Variants in PPFIA2 observed in about 807,000 individuals in gnomAD.
PPFIA2 encodes PPFI scaffold protein A2.
In PPFIA2, 46 loss-of-function variants were observed where a neutral mutation model predicts 175.5. The ratio of observed to expected loss-of-function variants is 0.26; its 90% CI spans 0.21 to 0.34. PPFIA2 has a LOEUF of 0.34. Ranked by LOEUF, PPFIA2 falls within the 10% of genes least tolerant of loss-of-function variation. PPFIA2 has a pLI of 1.00. For synonymous variants in PPFIA2, 568 were observed against 511.4 expected, an observed-to-expected ratio of 1.11 and a Z score of -1.49; for missense variants, 1,179 against 1,506.1, an observed-to-expected ratio of 0.78 and a Z score of 3.60.
intron 3 of PPFIA2, among the ~76,000 whole-genome samples, chr12:81,743,440 A>AAAAG (rs2082602335): frequency 7.1e-6 from 1 of 141,100 alleles, no homozygotes; most frequent in Non-Finnish European, 1.6e-5. Flanking sequence ...AAAAAAAAAA[A>AAAAG]AAAAACTTTT....
chr12:81,309,246 T>C (rs902307531), intron 22 of PPFIA2, among the ~76,000 whole-genome samples: 2 of 152,156 alleles, frequency 1.3e-5, no homozygotes, highest in Non-Finnish European at 2.9e-5. Flanking sequence ...TGATTAAGTC[T>C]GTAAAAACTA....
intron 22 of PPFIA2, among the ~76,000 whole-genome samples, chr12:81,305,433 A>G (rs1178458735): frequency 2.0e-5 from 3 of 152,070 alleles, no homozygotes. Flanking sequence ...AATGGCTTTT[A>G]ATTTACTATT....
At chr12:81,546,512 C>T (rs2067020820) in intron 4 of PPFIA2, 1 of 152,126 alleles carries the variant, frequency 6.6e-6, no homozygotes, top group South Asian at 2.1e-4. Flanking sequence ...CGTAGAATTA[C>T]CATGTACATC....
intron 4 of PPFIA2, among the ~76,000 whole-genome samples, chr12:81,674,991 C>G (rs1027260725): frequency 6.6e-6 from 1 of 151,904 alleles, no homozygotes; most frequent in Non-Finnish European, 1.5e-5. Context: ...CTTATGCACT[C>G]TGAAATGTTC....
At chr12:81,728,842 CAAAATTCAGCAATGTGATAGA>C (rs1234786019) in intron 3 of PPFIA2, among the ~76,000 whole-genome samples, 2 of 151,308 alleles carry the variant, frequency 1.3e-5, no homozygotes, top group Non-Finnish European at 3.0e-5. Flanking sequence ...ACCTATTTAA[CAAAATTCAGCAATGTGATAGA>C]TGGTATTGAG....
intron 4 of PPFIA2, among the ~76,000 whole-genome samples, chr12:81,510,033 G>A (rs1301707591): frequency 6.6e-6 from 1 of 152,042 alleles, no homozygotes; most frequent in Non-Finnish European, 1.5e-5. Context: ...TCACGTTTTG[G>A]TTTCTTCAGT....
At chr12:81,559,303 C>T (rs910679470) in intron 4 of PPFIA2, among the ~76,000 whole-genome samples, 1 of 152,144 alleles carries the variant, frequency 6.6e-6, no homozygotes, top group Non-Finnish European at 1.5e-5. Flanking sequence ...CGTGTGGATG[C>T]ATGTGCATGC....
chr12:81,745,745 T>C (rs1037947461), intron 3 of PPFIA2, among the ~76,000 whole-genome samples: 1 of 152,194 alleles, frequency 6.6e-6, no homozygotes, highest in Non-Finnish European at 1.5e-5. Context: ...TTGCCTGCCT[T>C]GAAACTCCTT....
chr12:81,340,677 A>G (rs1267782119), intron 20 of PPFIA2, among the ~76,000 whole-genome samples: 1 of 152,100 alleles, frequency 6.6e-6, no homozygotes, highest in Non-Finnish European at 1.5e-5. Context: ...GTCTGCTAAA[A>G]GGCACAATCA....
At chr12:81,597,854 C>T (rs2153452308) in intron 4 of PPFIA2, 1 of 1,251,226 alleles carries the variant, frequency 8.0e-7, no homozygotes, top group Non-Finnish European at 1.1e-6. Flanking sequence ...TCAATACTTC[C>T]AACCTTTTTA....
intron 22 of PPFIA2, among the ~76,000 whole-genome samples, chr12:81,299,678 C>T (rs995968126): frequency 5.3e-5 from 8 of 152,128 alleles, no homozygotes; most frequent in Non-Finnish European, 1.0e-4. Context: ...AATATCTTAT[C>T]CCTTTAATGA....
intron 3 of PPFIA2, among the ~76,000 whole-genome samples, chr12:81,705,011 G>T (rs1159469430): frequency 1.4e-5 from 2 of 145,282 alleles, no homozygotes; most frequent in African/African-American, 5.1e-5. Context: ...TTGAACCTGG[G>T]AGGCAGAGGT....
At chr12:81,641,874 T>C (rs933115725) in intron 4 of PPFIA2, among the ~76,000 whole-genome samples, 61 of 152,300 alleles carry the variant, frequency 4.0e-4, no homozygotes, top group African/African-American at 1.4e-3. Context: ...GTGTAGCTTA[T>C]CCATTCAGGA....
At chr12:81,285,256 A>G (rs1380492581) in intron 24 of PPFIA2, among the ~76,000 whole-genome samples, 1 of 152,094 alleles carries the variant, frequency 6.6e-6, no homozygotes, top group Non-Finnish European at 1.5e-5. Context: ...TGAACATTGC[A>G]AGGTTTTCCA....
intron 25 of PPFIA2, among the ~76,000 whole-genome samples, chr12:81,283,290 T>C (rs1054803243): frequency 2.0e-5 from 3 of 152,076 alleles, no homozygotes; most frequent in African/African-American, 7.2e-5. Flanking sequence ...AACATTTGAT[T>C]TGGTCATTAC....
intron 24 of PPFIA2, 69 bp from the exon 25 acceptor site, chr12:81,284,372 G>T: frequency 8.7e-7 from 1 of 1,153,466 alleles, no homozygotes; most frequent in Non-Finnish European, 1.3e-6. Flanking sequence ...AAGAAAGGCA[G>T]CACCTCTGTG....
intron 24 of PPFIA2, among the ~76,000 whole-genome samples, chr12:81,288,205 G>GACT: frequency 6.6e-6 from 1 of 151,888 alleles, no homozygotes; most frequent in East Asian, 1.9e-4. Context: ...CTCCAGAATA[G>GACT]AAAGAAACAC....
chr12:81,547,162 TTTAAA>T (rs1166620330), intron 4 of PPFIA2, among the ~76,000 whole-genome samples: 7 of 152,192 alleles, frequency 4.6e-5, no homozygotes, highest in Admixed American at 1.3e-4. Context: ...CTACACTCAC[TTTAAA>T]TTAACTAGAA....
intron 5 of PPFIA2, among the ~76,000 whole-genome samples, chr12:81,451,899 T>C (rs2145580290): frequency 6.6e-6 from 1 of 152,296 alleles, no homozygotes; most frequent in South Asian, 2.1e-4. Flanking sequence ...CCATTAACAA[T>C]CTACTAATTA....
Sources: gnomAD v4.1 joint callset for allele counts (sites outside exome capture counted in the v4.1 genomes callset) on GRCh38, gnomAD v4.1.1 for gene constraint, MANE v1.5 for transcripts, NCBI Gene and HGNC (gene_info 2026-07-23, HGNC 2026-07-21) for gene names.